Variants in IQCM observed in about 807,000 individuals in gnomAD.
IQCM encodes the protein IQ domain-containing protein M.
Under a neutral mutation model 57.6 loss-of-function variants are expected in IQCM, and 45 were observed. That is an observed-to-expected ratio of 0.78 (90% confidence interval 0.62 to 1.00). The LOEUF is 1.00. IQCM is among the 50% of genes least tolerant of loss of function. The pLI is 0.00. For synonymous variants in IQCM, 148 were observed against 158.9 expected (o/e 0.93, Z 0.51); for missense variants, 468 against 511.6 (o/e 0.91, Z 0.82).
intron 12 of IQCM, among the ~76,000 whole-genome samples, chr4:149,498,110 A>G (rs910348666): frequency 3.3e-5 from 5 of 152,290 alleles, no homozygotes; most frequent in Middle Eastern, 3.4e-3. Context: ...TTAAACAGGC[A>G]TTAGGAATGT....
chr4:149,369,879 A>C (rs1402091968), intron 13 of IQCM, among the ~76,000 whole-genome samples: 1 of 152,144 alleles, frequency 6.6e-6, no homozygotes, highest in African/African-American at 2.4e-5. Flanking sequence ...AATTTTAAAA[A>C]TATTTATTTA....
At chr4:149,656,608 A>G (rs1243072738) in intron 7 of IQCM, among the ~76,000 whole-genome samples, 1 of 152,154 alleles carries the variant, frequency 6.6e-6, no homozygotes, top group Admixed American at 6.6e-5. Flanking sequence ...TGGATTGAGA[A>G]TACCTCCTTC....
chr4:149,592,463 T>G (rs1201300769), intron 8 of IQCM, among the ~76,000 whole-genome samples: 1 of 152,068 alleles, frequency 6.6e-6, no homozygotes, highest in African/African-American at 2.4e-5. Flanking sequence ...TTAGTTTAAT[T>G]AGATCCCATT....
In IQCM at chr4:149,779,595, A is replaced by C. The variant is rs559437874; in HGVS notation, c.-49+35716T>G. ...CTAAACCTTATACAAAAAATTCAAA[A>C]TGAATAATGGACTAAATATAAAATG... is the stretch of plus-strand genomic sequence containing the variant. On this transcript the variant is annotated intron_variant, in intron 2 of 13. Coordinates refer to ENST00000636793, the MANE Select transcript of IQCM (RefSeq NM_001363507.2). 2.0e-5 allele frequency among the ~76,000 whole-genome samples: 3 copies of C among 152,304 alleles called. 1 individual carries two copies. In the East Asian group the frequency reaches 5.8e-4, roughly 29 times the overall value.
chr4:149,376,275 G>C (rs969551026), intron 13 of IQCM, among the ~76,000 whole-genome samples: 2 of 151,960 alleles, frequency 1.3e-5, no homozygotes, highest in Non-Finnish European at 2.9e-5. Flanking sequence ...AATAAAGTAG[G>C]GTTTGTTGAG....
chr4:149,532,088 A>T (rs993616347), intron 12 of IQCM, among the ~76,000 whole-genome samples: 18 of 151,920 alleles, frequency 1.2e-4, no homozygotes, highest in African/African-American at 4.3e-4. Context: ...TGGGTGACTC[A>T]TGCTTGGCCG....
rs545877777 is a variant in IQCM, at chr4:149,735,959, T to G, written c.38-501A>C. Among the ~76,000 whole-genome samples the G allele has an allele frequency of 3.3e-5, 5 of 151,952 alleles. 1 individual carries two copies. The highest frequency in any genetic ancestry group is 6.8e-3 in the Middle Eastern group (2 of 294). The stretch of plus-strand genomic sequence containing the variant: ...TAATTTCTTTCGACTTTTTTTTTTT[T>G]TTTTGTGAGACAGAGTCTCCCTCTG... On this transcript the variant is annotated intron_variant, in intron 3 of 13. Transcript: ENST00000636793.
At chr4:149,729,610 G>T (rs1053247997) in intron 5 of IQCM, among the ~76,000 whole-genome samples, 12 of 151,992 alleles carry the variant, frequency 7.9e-5, no homozygotes, top group Non-Finnish European at 2.9e-5. Flanking sequence ...AAATAGCTAG[G>T]ATTACAGGAG....
intron 13 of IQCM, among the ~76,000 whole-genome samples, chr4:149,356,625 C>T (rs1259431240): frequency 6.6e-6 from 1 of 152,142 alleles, no homozygotes; most frequent in East Asian, 1.9e-4. Context: ...GGTAAGAGTA[C>T]CATGCTGTTT....
chr4:149,627,959 C>T (rs947750238), intron 7 of IQCM, among the ~76,000 whole-genome samples: 5 of 152,172 alleles, frequency 3.3e-5, no homozygotes, highest in African/African-American at 1.2e-4. Context: ...ATGCAGGTGG[C>T]CTCCAGAAGC....
chr4:149,478,392 C>T (rs905855090), intron 12 of IQCM, among the ~76,000 whole-genome samples: 6 of 152,084 alleles, frequency 3.9e-5, no homozygotes, highest in Non-Finnish European at 7.4e-5. Flanking sequence ...TATTCTCCAG[C>T]CTGGAACAAG....
At chr4:149,562,886 C>T (rs1262945550) in intron 10 of IQCM, among the ~76,000 whole-genome samples, 1 of 152,160 alleles carries the variant, frequency 6.6e-6, no homozygotes, top group African/African-American at 2.4e-5. Context: ...CACTGCAAAT[C>T]TATTCCAGAG....
chr4:149,631,457 C>G (rs1387087592), intron 7 of IQCM, among the ~76,000 whole-genome samples: 1 of 152,002 alleles, frequency 6.6e-6, no homozygotes, highest in African/African-American at 2.4e-5. Context: ...TATAAATGTC[C>G]AGAAATGGGA....
At chr4:149,458,341 A>C (rs1737919915) in intron 12 of IQCM, among the ~76,000 whole-genome samples, 1 of 152,076 alleles carries the variant, frequency 6.6e-6, no homozygotes, top group South Asian at 2.1e-4. Context: ...TGAACAAAAT[A>C]AATTCAGGAA....
chr4:149,399,162 C>A (rs1009032444), intron 13 of IQCM, among the ~76,000 whole-genome samples: 1 of 152,030 alleles, frequency 6.6e-6, no homozygotes, highest in African/African-American at 2.4e-5. Context: ...CATAAATATT[C>A]TCAAGGCTCT....
At chr4:149,615,607 T>G (rs1241999009) in intron 8 of IQCM, among the ~76,000 whole-genome samples, 1 of 152,144 alleles carries the variant, frequency 6.6e-6, no homozygotes, top group East Asian at 1.9e-4. Context: ...ACTAAAAACA[T>G]ATGAGGATAC....
At chr4:149,755,200 C>T (rs1768846243) in intron 2 of IQCM, among the ~76,000 whole-genome samples, 1 of 152,164 alleles carries the variant, frequency 6.6e-6, no homozygotes, top group African/African-American at 2.4e-5. Context: ...CTACTTCCTG[C>T]CCCTATCCAT....
At chr4:149,467,838 A>G (rs1046732057) in intron 12 of IQCM, among the ~76,000 whole-genome samples, 1 of 152,180 alleles carries the variant, frequency 6.6e-6, no homozygotes, top group Non-Finnish European at 1.5e-5. Context: ...CTTCAGATCT[A>G]GTGTTGCTGC....
intron 2 of IQCM, among the ~76,000 whole-genome samples, chr4:149,786,306 G>C (rs1405502238): frequency 1.3e-5 from 2 of 152,306 alleles, no homozygotes; most frequent in Admixed American, 1.3e-4. Flanking sequence ...GTAATCTGGA[G>C]AGATCAGGAA....
Sources: allele counts gnomAD v4.1 joint callset (sites outside exome capture counted in the v4.1 genomes callset), GRCh38; gene constraint gnomAD v4.1.1; transcripts MANE v1.5; gene names NCBI Gene and HGNC (gene_info 2026-07-23, HGNC 2026-07-21).